The following SUGCT variants were observed in gnomAD, a reference collection of about 807,000 sequenced individuals.
SUGCT encodes succinyl-CoA:glutarate CoA-transferase.
In SUGCT, 41 loss-of-function variants were observed where a neutral mutation model predicts 55.0. The ratio of observed to expected loss-of-function variants is 0.74; its 90% confidence interval spans 0.58 to 0.97. The LOEUF (loss-of-function observed/expected upper bound fraction) is 0.97. SUGCT is among the 50% of genes least tolerant of loss of function. SUGCT has a pLI of 0.00. For synonymous variants in SUGCT, 187 were observed against 200.4 expected (o/e 0.93, Z 0.56); for missense variants, 568 against 547.8 (o/e 1.04, Z -0.37).
intron 6 of SUGCT, among the ~76,000 whole-genome samples, chr7:40,236,761 A>G (rs1487250180): frequency 6.6e-6 from 1 of 152,094 alleles, no homozygotes; most frequent in African/African-American, 2.4e-5. Context: ...TTTATGCCCT[A>G]TGTAGAGGGG....
At chr7:40,156,459 C>A (rs1484199498) in intron 1 of SUGCT, among the ~76,000 whole-genome samples, 1 of 151,856 alleles carries the variant, frequency 6.6e-6, no homozygotes, top group East Asian at 2.0e-4. Flanking sequence ...TGAGACTCTG[C>A]CTCAAAGAAA....
At chr7:40,732,155 CT>C (rs1179278862) in intron 12 of SUGCT, among the ~76,000 whole-genome samples, 1 of 152,142 alleles carries the variant, frequency 6.6e-6, no homozygotes, top group Non-Finnish European at 1.5e-5. Context: ...TCTATGAAGG[CT>C]TTAGGGGAGA....
chr7:40,733,630 A>G (rs1034324663), intron 12 of SUGCT, among the ~76,000 whole-genome samples: 2 of 152,232 alleles, frequency 1.3e-5, no homozygotes, highest in Non-Finnish European at 2.9e-5. Context: ...AATCAGGCAC[A>G]AGGAGGATGT....
chr7:40,503,431 T>C (rs1175684275), intron 12 of SUGCT, among the ~76,000 whole-genome samples: 1 of 152,132 alleles, frequency 6.6e-6, no homozygotes, highest in Non-Finnish European at 1.5e-5. Context: ...GAAGCAAGCA[T>C]TATCATACAT....
chr7:40,947,550 A>AATCT, the SUGCT span, among the ~76,000 whole-genome samples: 1 of 151,416 alleles, frequency 6.6e-6, no homozygotes, highest in South Asian at 2.1e-4. Context: ...TTTTCTGTTG[A>AATCT]AAACTAGACA....
At chr7:40,139,164 A>C (rs141762440) in intron 1 of SUGCT, among the ~76,000 whole-genome samples, 4,769 of 150,308 alleles carry the variant, frequency 0.032, 250 homozygotes, top group African/African-American at 0.11. Flanking sequence ...ATAAATAAAT[A>C]AATAAATAAA....
intron 8 of SUGCT, among the ~76,000 whole-genome samples, chr7:40,297,347 A>G (rs781576838): frequency 5.9e-5 from 9 of 151,860 alleles, no homozygotes; most frequent in South Asian, 2.1e-4. Context: ...TTTAATTTCA[A>G]TTAGGGTAAT....
chr7:40,209,930 A>C (rs1787237699), intron 6 of SUGCT, among the ~76,000 whole-genome samples: 1 of 152,208 alleles, frequency 6.6e-6, no homozygotes, highest in Non-Finnish European at 1.5e-5. Context: ...AGAAAGTTCC[A>C]TCATGTTTCT....
At chr7:40,222,940 A>G (rs1788099371) in intron 6 of SUGCT, among the ~76,000 whole-genome samples, 1 of 151,242 alleles carries the variant, frequency 6.6e-6, no homozygotes, top group Non-Finnish European at 1.5e-5. Flanking sequence ...CACTTTCTTA[A>G]TTTTTGGCAC....
the SUGCT span, among the ~76,000 whole-genome samples, chr7:40,936,087 C>T: frequency 3.3e-5 from 5 of 151,880 alleles, no homozygotes; most frequent in Non-Finnish European, 5.9e-5. Context: ...AGTTATTTGC[C>T]TTTTATTTTT....
the SUGCT span, among the ~76,000 whole-genome samples, chr7:40,897,384 T>C: frequency 6.6e-6 from 1 of 151,828 alleles, no homozygotes; most frequent in Non-Finnish European, 1.5e-5. Flanking sequence ...TTGCACACTT[T>C]AAATATATAC....
At chr7:40,726,509 C>G (rs777549376) in intron 12 of SUGCT, among the ~76,000 whole-genome samples, 1 of 152,010 alleles carries the variant, frequency 6.6e-6, no homozygotes, top group Non-Finnish European at 1.5e-5. Flanking sequence ...TAAGTGGATC[C>G]GTGCAGTTCA....
chr7:40,203,100 CTTAAG>C (rs1341593055), intron 6 of SUGCT, among the ~76,000 whole-genome samples: 1 of 152,140 alleles, frequency 6.6e-6, no homozygotes, highest in Non-Finnish European at 1.5e-5. Context: ...TCTTGTGTGG[CTTAAG>C]TTAAGGGGAA....
At chr7:40,827,012 C>A (rs879403224) in intron 13 of SUGCT, among the ~76,000 whole-genome samples, 11 of 152,116 alleles carry the variant, frequency 7.2e-5, no homozygotes, top group Admixed American at 7.2e-4. Context: ...TTTCTATCTT[C>A]ATTTTCTTTT....
At position 40,181,118 on chromosome 7, in the gene SUGCT, TAAGAA is replaced by T. The variant is rs1785177981; in HGVS notation, c.152+128_152+132del. The T allele has an allele frequency of 6.5e-6, 5 of 769,324 alleles. No homozygotes were observed. In the East Asian group the frequency reaches 1.0e-4, roughly 16 times the overall value. 47.7% of individuals were successfully genotyped at this position (769,324 alleles called of 1,614,324 possible). ...TATGTTGAAATTTTAGAGAAGAAAA[TAAGAA>T]AAGAAAAATTGCTGTAATATCATCA... On this transcript the variant is annotated intron_variant, in intron 2 of 13. Transcript: ENST00000335693.
the SUGCT span, among the ~76,000 whole-genome samples, chr7:40,877,474 A>G: frequency 2.0e-5 from 3 of 152,286 alleles, no homozygotes; most frequent in East Asian, 5.8e-4. Context: ...GCACTCAATG[A>G]GTGGGGAGTA....
At chr7:40,231,459 T>G (rs1312857195) in intron 6 of SUGCT, among the ~76,000 whole-genome samples, 1 of 152,034 alleles carries the variant, frequency 6.6e-6, no homozygotes, top group African/African-American at 2.4e-5. Context: ...AATGAAAATA[T>G]CATAAAATGC....
intron 12 of SUGCT, among the ~76,000 whole-genome samples, chr7:40,567,228 AG>A (rs1382527956): frequency 1.3e-5 from 2 of 152,252 alleles, no homozygotes; most frequent in Non-Finnish European, 2.9e-5. Context: ...CTTTTGAACC[AG>A]TGCTTAAAGC....
chr7:40,500,291 C>T (rs1792207015), intron 12 of SUGCT, among the ~76,000 whole-genome samples: 1 of 152,136 alleles, frequency 6.6e-6, no homozygotes, highest in African/African-American at 2.4e-5. Flanking sequence ...ATTTGTACCA[C>T]ACAAGTCGAA....
Sources: allele counts gnomAD v4.1 joint callset (sites outside exome capture counted in the v4.1 genomes callset), GRCh38; gene constraint gnomAD v4.1.1; transcripts MANE v1.5; gene names NCBI Gene and HGNC (gene_info 2026-07-23, HGNC 2026-07-21).